ABCB11: variants seen among roughly 807,000 people sequenced by gnomAD.
The protein encoded by ABCB11 is ATP binding cassette subfamily B member 11.
A neutral mutation model predicts 148.0 loss-of-function variants in ABCB11; 95 were observed. The observed-to-expected ratio is 0.64, with a 90% CI of 0.54 to 0.76. ABCB11 has a LOEUF of 0.76. Among genes scored for constraint, ABCB11 ranks in the 30% least tolerant of loss-of-function variants. The pLI is 0.00. For synonymous variants in ABCB11, 591 were observed against 555.4 expected, an observed-to-expected ratio of 1.06 and a Z score of -0.90; for missense variants, 1,523 against 1,617.8, an observed-to-expected ratio of 0.94 and a Z score of 1.01.
chr2:169,010,322 C>T (rs1017022535), intron 5 of ABCB11, among the ~76,000 whole-genome samples: 7 of 152,032 alleles, frequency 4.6e-5, no homozygotes, highest in East Asian at 1.9e-4. Flanking sequence ...ATCTATTATT[C>T]GACTGTTCTG....
At chr2:168,943,723 T>C (rs16856256) in intron 21 of ABCB11, among the ~76,000 whole-genome samples, 4,066 of 152,046 alleles carry the variant, frequency 0.027, 188 homozygotes, top group African/African-American at 0.092. Context: ...TTCTGCCATA[T>C]CATTTTTGGT....
intron 19 of ABCB11, among the ~76,000 whole-genome samples, chr2:168,948,696 T>G (rs1408338907): frequency 2.0e-5 from 3 of 151,778 alleles, no homozygotes; most frequent in African/African-American, 4.8e-5. Context: ...TATAAATTAT[T>G]TCAAAGATTT....
intron 6 of ABCB11, among the ~76,000 whole-genome samples, chr2:168,995,751 A>G (rs1454644485): frequency 6.6e-6 from 1 of 151,900 alleles, no homozygotes; most frequent in Admixed American, 6.6e-5. Context: ...TTTACCCTAC[A>G]GAGCTTCACT....
intron 26 of ABCB11, among the ~76,000 whole-genome samples, chr2:168,926,244 CGAAATCTGGACTTGGGT>C (rs1691302512): frequency 6.6e-6 from 1 of 151,962 alleles, no homozygotes; most frequent in African/African-American, 2.4e-5. Flanking sequence ...CAATATTGCG[CGAAATCTGGACTTGGGT>C]TTGGCAAAGT....
chr2:168,925,485 T>C (rs1347369607), intron 26 of ABCB11, among the ~76,000 whole-genome samples: 6 of 152,214 alleles, frequency 3.9e-5, no homozygotes, highest in Non-Finnish European at 5.9e-5. Context: ...CTATTCTAGC[T>C]AGGGTATCAT....
chr2:168,969,393 C>T lies in ABCB11; in HGVS notation c.1968G>A (p.Leu656=). ...TAAGAGCTTGATTTCCCTGGCTTTG[C>T]AAAGTCACTAGAGTGAAGTAAACAC... ...RKGVYFTLVT[L]QSQGNQALNE... is the part of the protein sequence containing the mutation. The change falls in exon 16 of 28, where the codon TTG becomes TTA. Residue 656 remains leucine (L), a synonymous_variant. Coordinates refer to ENST00000650372, the MANE Select transcript of ABCB11 (RefSeq NM_003742.4). 1 of 1,612,574 alleles carries T rather than the reference C, an allele frequency of 6.2e-7. No homozygotes were observed. The highest frequency in any genetic ancestry group is 8.5e-7 in the Non-Finnish European group (1 of 1,179,212).
intron 16 of ABCB11, 75 bp downstream of exon 16, chr2:168,969,275 T>C: frequency 7.3e-7 from 1 of 1,361,832 alleles, no homozygotes; most frequent in Non-Finnish European, 1.0e-6. Flanking sequence ...AGTATTGAAA[T>C]ACATAGAAAA....
chr2:169,027,952 A>T (rs1453051988), intron 1 of ABCB11, among the ~76,000 whole-genome samples: 1 of 152,160 alleles, frequency 6.6e-6, no homozygotes, highest in African/African-American at 2.4e-5. Flanking sequence ...CCAGAGCTGA[A>T]TCCTTCTGGG....
chr2:168,943,359 T>C (rs914460212), intron 21 of ABCB11, among the ~76,000 whole-genome samples: 2 of 151,916 alleles, frequency 1.3e-5, no homozygotes, highest in African/African-American at 4.8e-5. Context: ...TTTTGAGAAC[T>C]AAGAAAATAA....
chr2:169,012,585 C>A (rs1444411864), intron 5 of ABCB11, among the ~76,000 whole-genome samples: 1 of 151,600 alleles, frequency 6.6e-6, no homozygotes, highest in Admixed American at 6.6e-5. Context: ...ACTAAAAATA[C>A]AAAATTTAGC....
At chr2:168,915,906 G>T (rs1001293489), downstream of ABCB11, among the ~76,000 whole-genome samples, 2 of 152,152 alleles carry the variant, frequency 1.3e-5, no homozygotes, top group African/African-American at 4.8e-5. Context: ...CGGATTGGGT[G>T]TCAAGAGAGA....
chr2:168,976,691 G>C lies in ABCB11; in HGVS notation c.1198-4C>G, dbSNP rs762254837. ...ACATGCAGTCAATGATGGGTTTCTG[G>C]AGTGAAATACAAAAGGGACACAGTG... On this transcript the variant is annotated splice_region_variant and splice_polypyrimidine_tract_variant and intron_variant, in intron 11 of 27. Coordinates refer to ENST00000650372, the MANE Select transcript of ABCB11 (RefSeq NM_003742.4). 5.0e-6 allele frequency: 8 copies of C among 1,584,904 alleles called. No homozygotes were observed. Among genetic ancestry groups the C allele is most frequent in the Middle Eastern group, 1.7e-4 (1 of 6,040 alleles).
intron 19 of ABCB11, among the ~76,000 whole-genome samples, chr2:168,950,140 TACACAC>T (rs36026125): frequency 2.1e-3 from 306 of 143,720 alleles, no homozygotes; most frequent in South Asian, 6.0e-3. Context: ...TATATATATA[TACACAC>T]ACACACACAC....
intron 24 of ABCB11, among the ~76,000 whole-genome samples, chr2:168,931,396 G>C (rs1180596777): frequency 6.6e-6 from 1 of 152,174 alleles, no homozygotes; most frequent in Non-Finnish European, 1.5e-5. Flanking sequence ...TTACTGAACT[G>C]AAGGAGAAAT....
At chr2:169,007,091 G>A (rs1368076418) in intron 5 of ABCB11, among the ~76,000 whole-genome samples, 1 of 152,090 alleles carries the variant, frequency 6.6e-6, no homozygotes, top group Admixed American at 6.6e-5. Flanking sequence ...CACACTTCTT[G>A]ATTTCAAAAC....
rs1694684325 is a variant in ABCB11, at chr2:168,995,490, TGGAC to T, written c.478-12_478-9del. 2.0e-5 allele frequency: 32 copies of T among 1,607,616 alleles called. No homozygotes were observed. Among genetic ancestry groups the T allele is most frequent in the Admixed American group, 3.4e-5 (2 of 58,918 alleles). ...AATGACCCAAAAGCATATCTGGAAA[TGGAC>T]AAAGGAATGTTTAGCATTGCAATGT... is the stretch of plus-strand genomic sequence containing the variant. On this transcript the variant is annotated splice_polypyrimidine_tract_variant and intron_variant, in intron 6 of 27. Transcript: ENST00000650372.
At chr2:168,941,068 G>A (rs7580720) in intron 21 of ABCB11, among the ~76,000 whole-genome samples, 1,983 of 152,164 alleles carry the variant, frequency 0.013, 39 homozygotes, top group African/African-American at 0.045. Flanking sequence ...GATGAATGTT[G>A]TTGTGCTTGT....
Position 168,969,460 on chromosome 2 carries a change from G to A in ABCB11, c.1901C>T (p.Ala634Val), listed in dbSNP as rs746135028. The stretch of plus-strand genomic sequence containing the variant: ...TTCTTCATGGGTCCCTCTTTCCACT[G>A]CAGTGCCATGTTCAAAACCAATGAT... Reference protein sequence around the residue: ...DTIIGFEHGTAVERGTHEELL... With the variant: ...DTIIGFEHGTVVERGTHEELL... Residue 634 changes from alanine (A) to valine (V), a missense_variant, in exon 16 of 28, where the codon GCA becomes GTA. Transcript: ENST00000650372. The A allele has an allele frequency of 6.2e-7, 1 of 1,612,454 alleles. No individual in the cohort carries two copies. The highest frequency in any genetic ancestry group is 8.5e-7 in the Non-Finnish European group (1 of 1,179,154).
chr2:169,004,923 T>C (rs762472994), intron 5 of ABCB11, among the ~76,000 whole-genome samples: 3 of 152,130 alleles, frequency 2.0e-5, no homozygotes, highest in Non-Finnish European at 4.4e-5. Context: ...TTTGCTCTTC[T>C]GGGTCTAGCC....
Sources: gnomAD v4.1 joint callset for allele counts (sites outside exome capture counted in the v4.1 genomes callset) on GRCh38, gnomAD v4.1.1 for gene constraint, MANE v1.5 for transcripts, NCBI Gene and HGNC (gene_info 2026-07-23, HGNC 2026-07-21) for gene names.